The following THSD7B variants were observed in gnomAD, a reference collection of about 807,000 sequenced individuals.
THSD7B encodes the protein thrombospondin type-1 domain-containing protein 7B.
In THSD7B, 138 loss-of-function variants were observed where a neutral mutation model predicts 213.6. The observed-to-expected ratio is 0.65, with a 90% CI of 0.56 to 0.74. The LOEUF is 0.74. THSD7B is among the 30% of genes least tolerant of loss of function. THSD7B has a pLI of 0.00. For synonymous variants in THSD7B, 742 were observed against 687.0 expected, an observed-to-expected ratio of 1.08 and a Z score of -1.25; for missense variants, 1,931 against 1,991.5, an observed-to-expected ratio of 0.97 and a Z score of 0.58.
At chr2:137,412,610 AC>A (rs200669138) in intron 14 of THSD7B, among the ~76,000 whole-genome samples, 6,720 of 123,468 alleles carry the variant, frequency 0.054, 1,388 homozygotes, top group African/African-American at 0.11. Context: ...AAAAAAAAAA[AC>A]AAAAAAAAAC....
At chr2:136,794,293 T>C (rs868084493) in intron 1 of THSD7B, among the ~76,000 whole-genome samples, 22 of 151,940 alleles carry the variant, frequency 1.4e-4, no homozygotes, top group South Asian at 6.2e-4. Flanking sequence ...AGGCAGAAGC[T>C]TAGATAATTG....
chr2:137,212,178 C>A (rs1043990498), intron 7 of THSD7B, among the ~76,000 whole-genome samples: 1 of 151,884 alleles, frequency 6.6e-6, no homozygotes, highest in Non-Finnish European at 1.5e-5. Context: ...GAATTCACTA[C>A]CTTTGGCTTC....
chr2:137,593,637 G>A (rs1681905525), intron 17 of THSD7B, among the ~76,000 whole-genome samples: 1 of 151,630 alleles, frequency 6.6e-6, no homozygotes. Flanking sequence ...TTTTATTATT[G>A]ATTTAAATAA....
chr2:137,197,147 A>G (rs2105020340), intron 7 of THSD7B, among the ~76,000 whole-genome samples: 1 of 152,318 alleles, frequency 6.6e-6, no homozygotes, highest in African/African-American at 2.4e-5. Flanking sequence ...GGACTTTTTC[A>G]GATTGAAAGG....
chr2:137,387,984 C>G (rs1418975291), intron 12 of THSD7B, among the ~76,000 whole-genome samples: 5 of 152,126 alleles, frequency 3.3e-5, no homozygotes, highest in Admixed American at 3.3e-4. Flanking sequence ...TATATACGCA[C>G]ACACACACAA....
chr2:137,335,005 A>G (rs1684606461), intron 12 of THSD7B, among the ~76,000 whole-genome samples: 1 of 152,140 alleles, frequency 6.6e-6, no homozygotes, highest in African/African-American at 2.4e-5. Flanking sequence ...CCATGATTGT[A>G]AGTTTCCTGA....
intron 12 of THSD7B, among the ~76,000 whole-genome samples, chr2:137,299,427 G>A (rs1437666215): frequency 3.3e-5 from 5 of 152,024 alleles, no homozygotes; most frequent in African/African-American, 9.7e-5. Context: ...AAGACTTTGG[G>A]CGACTGCTGG....
At chr2:137,337,471 T>C (rs1204184041) in intron 12 of THSD7B, among the ~76,000 whole-genome samples, 2 of 152,164 alleles carry the variant, frequency 1.3e-5, no homozygotes, top group Non-Finnish European at 2.9e-5. Flanking sequence ...TCAACATGTC[T>C]CATTACAGAT....
intron 17 of THSD7B, among the ~76,000 whole-genome samples, chr2:137,574,568 A>G (rs1294598839): frequency 6.6e-6 from 1 of 152,160 alleles, no homozygotes; most frequent in Non-Finnish European, 1.5e-5. Context: ...ACATTGCACT[A>G]TGATGATGTA....
At chr2:137,487,783 A>T in intron 15 of THSD7B, among the ~76,000 whole-genome samples, 1 of 5,032 alleles carries the variant, frequency 2.0e-4, no homozygotes, top group African/African-American at 4.6e-4. Flanking sequence ...TTTTTTTTTG[A>T]GACGGAGTCT....
intron 1 of THSD7B, among the ~76,000 whole-genome samples, chr2:136,785,343 G>A (rs1254362991): frequency 6.6e-6 from 1 of 152,060 alleles, no homozygotes; most frequent in African/African-American, 2.4e-5. Context: ...GCCCCCTCAG[G>A]TTAGAGCTGG....
intron 12 of THSD7B, among the ~76,000 whole-genome samples, chr2:137,352,073 G>A (rs1313528718): frequency 6.6e-6 from 1 of 151,580 alleles, no homozygotes; most frequent in Non-Finnish European, 1.5e-5. Context: ...GGACACCTCT[G>A]TGCTAAATAG....
chr2:137,487,540 G>A (rs1313856904), intron 15 of THSD7B, among the ~76,000 whole-genome samples: 1 of 151,410 alleles, frequency 6.6e-6, no homozygotes, highest in Non-Finnish European at 1.5e-5. Context: ...TTTTTGAAAG[G>A]ATCAACAAAA....
At chr2:136,950,207 G>T (rs1226727789) in intron 2 of THSD7B, among the ~76,000 whole-genome samples, 1 of 152,124 alleles carries the variant, frequency 6.6e-6, no homozygotes, top group African/African-American at 2.4e-5. Context: ...AGCCGAGATT[G>T]TGCCACTGCA....
At chr2:136,882,360 A>G (rs1387340758) in intron 2 of THSD7B, 43 bp downstream of exon 2, 1 of 1,430,976 alleles carries the variant, frequency 7.0e-7, no homozygotes, top group African/African-American at 1.5e-5. Context: ...TTTCATTAAC[A>G]GGAAGAATAT....
At chr2:137,546,367 TATATATATAA>T (rs1680711463) in intron 15 of THSD7B, among the ~76,000 whole-genome samples, 1 of 57,766 alleles carries the variant, frequency 1.7e-5, no homozygotes, top group South Asian at 4.7e-4. Flanking sequence ...ATATATTATA[TATATATATAA>T]TATATATATT....
chr2:136,810,893 A>T (rs1356891501), intron 1 of THSD7B, among the ~76,000 whole-genome samples: 1 of 152,138 alleles, frequency 6.6e-6, no homozygotes, highest in African/African-American at 2.4e-5. Flanking sequence ...GAGTTCCTTC[A>T]TAGGGGTATC....
At position 137,005,636 on chromosome 2, in the gene THSD7B, T is replaced by C. The variant is rs138337381; in HGVS notation, c.140-50784T>C. Among the ~76,000 whole-genome samples, 234 of 152,358 alleles carry C rather than the reference T, an allele frequency of 1.5e-3. 1 individual carries two copies. Among genetic ancestry groups the C allele is most frequent in the African/African-American group, 5.5e-3 (230 of 41,590 alleles). The stretch of plus-strand genomic sequence containing the variant: ...GTTTCATGAATTTAAAGTTAGCCTA[T>C]TAATTTGGCTTCTATTGTAGAGAAA... On this transcript the variant is annotated intron_variant, in intron 2 of 27. Transcript: ENST00000409968.
chr2:136,946,363 A>C (rs1337556960), intron 2 of THSD7B, among the ~76,000 whole-genome samples: 1 of 152,106 alleles, frequency 6.6e-6, no homozygotes, highest in Admixed American at 6.5e-5. Flanking sequence ...GGTTCATCCC[A>C]GAGGAGCTCC....
Sources: allele counts gnomAD v4.1 joint callset (sites outside exome capture counted in the v4.1 genomes callset), GRCh38; gene constraint gnomAD v4.1.1; transcripts MANE v1.5; gene names NCBI Gene and HGNC (gene_info 2026-07-23, HGNC 2026-07-21).